The following LRPAP1 variants were observed in gnomAD, a reference collection of about 807,000 sequenced individuals.
LRPAP1 encodes LDL receptor related protein associated protein 1.
Under a neutral mutation model 39.9 loss-of-function variants are expected in LRPAP1, and 41 were observed. That is an observed-to-expected ratio of 1.03 (90% CI 0.80 to 1.33). The LOEUF is 1.33. LRPAP1 is among the 40% of genes most tolerant of loss of function. The pLI, the probability that LRPAP1 is intolerant of heterozygous loss-of-function variation, is 0.00. For missense variants in LRPAP1, 565 were observed against 482.3 expected (o/e 1.17, Z -1.61); for synonymous variants, 263 against 212.7 (o/e 1.24, Z -2.06).
Position 3,510,782 on chromosome 4 carries a change from G to A in LRPAP1, c.*2192C>T, listed in dbSNP as rs934210102. 2 of 152,318 alleles carry A rather than the reference G, an allele frequency of 1.3e-5. No individual in the cohort carries two copies. The highest frequency in any genetic ancestry group is 6.5e-5 in the Admixed American group (1 of 15,292). The allele number at this position is 152,318 out of a possible 1,614,324, so 9.4% of individuals were successfully genotyped here. A position where few individuals can be genotyped will look rare whatever the true frequency, so the allele number is the denominator to read the frequency against. On this transcript the variant is annotated 3_prime_UTR_variant, in exon 8 of 8. Transcript: ENST00000650182. ...ATACACAGACGCACGCAAAGACACA[G>A]ACTGCCCAGAGCCATGCACGTGGAA...
intron 1 of LRPAP1, among the ~76,000 whole-genome samples, chr4:3,529,434 C>T (rs983956118): frequency 9.2e-5 from 14 of 152,202 alleles, no homozygotes; most frequent in African/African-American, 2.4e-4. Context: ...TGTCCCTGAG[C>T]GCCGCAGCTG....
chr4:3,531,938 C>T, intron 1 of LRPAP1: 1 of 536,926 alleles, frequency 1.9e-6, no homozygotes, highest in Non-Finnish European at 3.3e-6. Context: ...GCAGGCCGCC[C>T]AGGCTGGGGA....
intron 2 of LRPAP1, among the ~76,000 whole-genome samples, chr4:3,524,557 G>A (rs1201336307): frequency 6.6e-6 from 1 of 152,228 alleles, no homozygotes; most frequent in Non-Finnish European, 1.5e-5. Flanking sequence ...TCTGTGCTCG[G>A]AGGATAGCCC....
At position 3,510,066 on chromosome 4, in the gene LRPAP1, A is replaced by C. The variant is rs1729463519; in HGVS notation, c.*2908T>G. The C allele has an allele frequency of 6.6e-6, 1 of 152,236 alleles. No individual in the cohort carries two copies. The highest frequency in any genetic ancestry group is 1.5e-5 in the Non-Finnish European group (1 of 68,042). The allele number at this position is 152,236 out of a possible 1,614,324, so 9.4% of individuals were successfully genotyped here. On this transcript the variant is annotated 3_prime_UTR_variant, in exon 8 of 8. Coordinates refer to ENST00000650182, the MANE Select transcript of LRPAP1 (RefSeq NM_002337.4). ...ACATAAACAGCCACAAGAATCTTTAAAAAGAAGAGTTGGAAAATGCACATC... is the reference window on the plus strand; with the variant it reads ...ACATAAACAGCCACAAGAATCTTTACAAAGAAGAGTTGGAAAATGCACATC...
intron 1 of LRPAP1, among the ~76,000 whole-genome samples, chr4:3,528,975 G>A (rs1464775638): frequency 6.6e-6 from 1 of 152,028 alleles, no homozygotes; most frequent in Non-Finnish European, 1.5e-5. Context: ...AGACCTCTGA[G>A]AACAAGATGC....
Position 3,503,791 on chromosome 4 carries a change from A to G in LRPAP1, c.*9183T>C, listed in dbSNP as rs1729271195. The G allele has an allele frequency of 1.3e-5, 2 of 152,290 alleles. No individual in the cohort carries two copies. Among genetic ancestry groups the G allele is most frequent in the South Asian group, 4.1e-4 (2 of 4,838 alleles). 9.4% of individuals were successfully genotyped at this position (152,290 alleles called of 1,614,324 possible). ...CCAGCAATGACAGGCTAGGGTACCT[A>G]GATGAACCATCACACTGAAAACACA... On this transcript the variant is annotated 3_prime_UTR_variant, in exon 8 of 8. Coordinates refer to ENST00000650182, the MANE Select transcript of LRPAP1 (RefSeq NM_002337.4).
At chr4:3,527,375 A>T (rs78361100) in intron 1 of LRPAP1, among the ~76,000 whole-genome samples, 47 of 152,214 alleles carry the variant, frequency 3.1e-4, no homozygotes, top group Admixed American at 3.1e-3. Flanking sequence ...GACCCAGGAC[A>T]ATGAGGCACC....
At chr4:3,522,659 C>A (rs1257825022) in intron 2 of LRPAP1, among the ~76,000 whole-genome samples, 2 of 103,858 alleles carry the variant, frequency 1.9e-5, no homozygotes, top group East Asian at 2.8e-4. Context: ...CTGGGGAGGA[C>A]GGACGCCGCC....
At chr4:3,522,401 T>C (rs887814004) in intron 2 of LRPAP1, among the ~76,000 whole-genome samples, 1 of 152,202 alleles carries the variant, frequency 6.6e-6, no homozygotes, top group Non-Finnish European at 1.5e-5. Flanking sequence ...CTGGAGGTGC[T>C]GGGTTCTTCT....
chr4:3,531,944 G>A, intron 1 of LRPAP1: 1 of 542,774 alleles, frequency 1.8e-6, no homozygotes, highest in Non-Finnish European at 3.3e-6. Flanking sequence ...CGCCCAGGCT[G>A]GGGAGGGCGA....
chr4:3,520,863 T>C (rs1400910140), intron 2 of LRPAP1, among the ~76,000 whole-genome samples: 1 of 152,214 alleles, frequency 6.6e-6, no homozygotes, highest in Non-Finnish European at 1.5e-5. Flanking sequence ...GGTGCTCCCC[T>C]AGCCCCGCTT....
chr4:3,518,317 C>G, intron 4 of LRPAP1, 125 bp from the exon 5 acceptor site: 1 of 1,075,298 alleles, frequency 9.3e-7, no homozygotes, highest in African/African-American at 1.6e-5. Flanking sequence ...GAAAATGTCC[C>G]CCTTCCGCGG....
At chr4:3,515,889 A>G (rs945508398) in intron 6 of LRPAP1, 8 of 583,048 alleles carry the variant, frequency 1.4e-5, no homozygotes, top group East Asian at 8.7e-5. Context: ...AACACGGACA[A>G]AAGAACCAAA....
chr4:3,524,761 G>C (rs573438933), intron 2 of LRPAP1, 146 bp downstream of exon 2: 1 of 958,178 alleles, frequency 1.0e-6, no homozygotes, highest in African/African-American at 1.6e-5. Flanking sequence ...AGGATGCTCG[G>C]GGAAAGGCTC....
At chr4:3,515,807 C>T in intron 6 of LRPAP1, 1 of 430,942 alleles carries the variant, frequency 2.3e-6, no homozygotes, top group Non-Finnish European at 4.2e-6. Context: ...TCCCCTCCCC[C>T]CAGGCTGTGG....
chr4:3,516,868 G>A (rs1204609934), intron 5 of LRPAP1, among the ~76,000 whole-genome samples: 6 of 152,162 alleles, frequency 3.9e-5, no homozygotes, highest in East Asian at 1.9e-4. Flanking sequence ...TCAGGACCCC[G>A]AGGACCCTGG....
chr4:3,531,788 T>C (rs1165653385), intron 1 of LRPAP1, among the ~76,000 whole-genome samples: 1 of 152,280 alleles, frequency 6.6e-6, no homozygotes, highest in East Asian at 1.9e-4. Flanking sequence ...GGATTCCTTC[T>C]GTCCCTGGAC....
intron 1 of LRPAP1, among the ~76,000 whole-genome samples, chr4:3,529,183 C>T (rs1235345125): frequency 6.6e-6 from 1 of 152,002 alleles, no homozygotes; most frequent in African/African-American, 2.4e-5. Context: ...ATTAGCCAGG[C>T]ATGGTGGTGC....
chr4:3,517,427 G>T (rs1729749651), intron 5 of LRPAP1, among the ~76,000 whole-genome samples: 1 of 152,264 alleles, frequency 6.6e-6, no homozygotes, highest in South Asian at 2.1e-4. Flanking sequence ...TGCAGCTGGT[G>T]CTCAGTGTGC....
Sources: gnomAD v4.1 joint callset for allele counts (sites outside exome capture counted in the v4.1 genomes callset) on GRCh38, gnomAD v4.1.1 for gene constraint, MANE v1.5 for transcripts, NCBI Gene and HGNC (gene_info 2026-07-23, HGNC 2026-07-21) for gene names.